The following NSD3 variants were observed in gnomAD, a reference collection of about 807,000 sequenced individuals.
NSD3 encodes the protein histone-lysine N-methyltransferase NSD3.
In NSD3, 24 loss-of-function variants were observed where a neutral mutation model predicts 160.8. That is an observed-to-expected ratio of 0.15 (90% CI 0.11 to 0.21). The LOEUF (loss-of-function observed/expected upper bound fraction) is 0.21. NSD3 is among the 10% of genes least tolerant of loss of function. NSD3 has a pLI of 1.00. For missense variants in NSD3, 1,157 were observed against 1,735.9 expected (o/e 0.67, Z 5.93); for synonymous variants, 520 against 600.0 (o/e 0.87, Z 1.95).
At chr8:38,342,316 A>C (rs765239395) in intron 2 of NSD3, among the ~76,000 whole-genome samples, 1 of 152,226 alleles carries the variant, frequency 6.6e-6, no homozygotes, top group African/African-American at 2.4e-5. Context: ...ATTAAAATTA[A>C]GTAGGGACAG....
chr8:38,280,903 C>T (rs1404170669), intron 20 of NSD3, among the ~76,000 whole-genome samples: 4 of 151,980 alleles, frequency 2.6e-5, no homozygotes, highest in African/African-American at 9.7e-5. Flanking sequence ...CAGAAACGTG[C>T]CACCACACCT....
At chr8:38,381,390 TC>T (rs1454151904) in intron 1 of NSD3, among the ~76,000 whole-genome samples, 4 of 151,828 alleles carry the variant, frequency 2.6e-5, no homozygotes, top group Non-Finnish European at 4.4e-5. Flanking sequence ...CTACACTCCA[TC>T]CCCAAATCTC....
At chr8:38,303,231 A>T (rs997765868) in intron 14 of NSD3, 16 of 984,978 alleles carry the variant, frequency 1.6e-5, no homozygotes, top group Non-Finnish European at 1.9e-5. Flanking sequence ...TAATACAATA[A>T]TTTTTTCTTC....
chr8:38,351,430 C>T (rs1361334888), intron 1 of NSD3, among the ~76,000 whole-genome samples: 8 of 150,872 alleles, frequency 5.3e-5, no homozygotes, highest in Non-Finnish European at 8.9e-5. Flanking sequence ...TTTGGGAGGC[C>T]GAGGTGGGTG....
At chr8:38,314,623 G>T in intron 12 of NSD3, 24 bp downstream of exon 12, 1 of 1,613,784 alleles carries the variant, frequency 6.2e-7, no homozygotes, top group South Asian at 1.1e-5. Flanking sequence ...ATCTTTTCAT[G>T]ACTATCGAAA....
Position 38,275,231 on chromosome 8 carries a change from T to C in NSD3, c.*410A>G, listed in dbSNP as rs1018524299. On this transcript the variant is annotated 3_prime_UTR_variant, in exon 24 of 24. Transcript: ENST00000317025. ...GACTATTGAACTACACTTCTTGAAA[T>C]TCCTAAAAATGAAAATAAATAAAGG... is the stretch of plus-strand genomic sequence containing the variant. 3.9e-6 allele frequency: 1 copy of C among 259,640 alleles called. No individual in the cohort carries two copies. The highest frequency in any genetic ancestry group is 2.2e-5 in the African/African-American group (1 of 45,614). The allele number at this position is 259,640 out of a possible 1,614,324, so 16.1% of individuals were successfully genotyped here.
At chr8:38,362,891 T>C (rs1020340285) in intron 1 of NSD3, among the ~76,000 whole-genome samples, 3 of 152,224 alleles carry the variant, frequency 2.0e-5, no homozygotes, top group Non-Finnish European at 2.9e-5. Flanking sequence ...AAAGACTTCC[T>C]TTTTTGTATC....
intron 1 of NSD3, among the ~76,000 whole-genome samples, chr8:38,352,268 T>C (rs1011702205): frequency 8.6e-5 from 13 of 152,020 alleles, no homozygotes; most frequent in Non-Finnish European, 1.6e-4. Flanking sequence ...CTTCTGCTGT[T>C]AGCAAATGGA....
chr8:38,315,228 T>G (rs1185171129), intron 11 of NSD3, among the ~76,000 whole-genome samples, 188 bp downstream of exon 11: 3 of 152,216 alleles, frequency 2.0e-5, no homozygotes, highest in African/African-American at 7.2e-5. Flanking sequence ...CACTAAAGAT[T>G]GGCATGTGGG....
At position 38,270,797 on chromosome 8, in the gene NSD3, T is replaced by TTTTACAGCC. The variant is rs1474728119; in HGVS notation, c.*4843_*4844insGGCTGTAAA. The TTTTACAGCC allele has an allele frequency of 6.6e-6, 1 of 152,242 alleles. No homozygotes were observed. Among genetic ancestry groups the TTTTACAGCC allele is most frequent in the Non-Finnish European group, 1.5e-5 (1 of 68,050 alleles). The allele number at this position is 152,242 out of a possible 1,614,324, so 9.4% of individuals were successfully genotyped here. A position where few individuals can be genotyped will look rare whatever the true frequency, so the allele number is the denominator to read the frequency against. On this transcript the variant is annotated 3_prime_UTR_variant, in exon 24 of 24. Transcript: ENST00000317025. ...CATCTATTCTATTTTCCCTTTTTAC[T>TTTTACAGCC]TACATGTAAATTACTTTTACAGCCT... is the stretch of plus-strand genomic sequence containing the variant.
At chr8:38,282,346 C>G (rs1303686583) in intron 19 of NSD3, among the ~76,000 whole-genome samples, 2 of 152,196 alleles carry the variant, frequency 1.3e-5, no homozygotes, top group Admixed American at 6.5e-5. Flanking sequence ...CAGTCACTCA[C>G]CTGCTCTCCA....
chr8:38,378,825 CAAA>C (rs201408423), intron 1 of NSD3, among the ~76,000 whole-genome samples: 170 of 87,340 alleles, frequency 1.9e-3, no homozygotes, highest in African/African-American at 2.6e-3. Context: ...CTCCATCTCT[CAAA>C]AAAAAAAAAA....
intron 2 of NSD3, among the ~76,000 whole-genome samples, chr8:38,339,410 C>T (rs560594450): frequency 6.6e-6 from 1 of 152,196 alleles, no homozygotes; most frequent in Admixed American, 6.5e-5. Flanking sequence ...ACCATTGCTA[C>T]TTACAAGAGC....
At chr8:38,324,885 A>G (rs1809870301) in intron 7 of NSD3, among the ~76,000 whole-genome samples, 1 of 152,214 alleles carries the variant, frequency 6.6e-6, no homozygotes, top group Non-Finnish European at 1.5e-5. Context: ...CAGGTTGCTG[A>G]ACACACGAAG....
chr8:38,350,898 C>T (rs1419592191), intron 1 of NSD3, among the ~76,000 whole-genome samples: 1 of 151,842 alleles, frequency 6.6e-6, no homozygotes, highest in Non-Finnish European at 1.5e-5. Flanking sequence ...GACACGTGCA[C>T]ATCACAGAAT....
intron 20 of NSD3, chr8:38,279,951 G>C: frequency 3.0e-6 from 1 of 331,666 alleles, no homozygotes; most frequent in South Asian, 6.3e-5. Flanking sequence ...ATGCTATTTA[G>C]AAGATTAGTG....
chr8:38,286,304 A>C (rs541512002), intron 19 of NSD3, among the ~76,000 whole-genome samples: 25 of 151,318 alleles, frequency 1.7e-4, no homozygotes, highest in Admixed American at 3.9e-4. Flanking sequence ...ATAACAAACA[A>C]ACACACACAC....
chr8:38,292,151 G>A (rs1046516516), intron 16 of NSD3, among the ~76,000 whole-genome samples: 2 of 152,202 alleles, frequency 1.3e-5, no homozygotes, highest in African/African-American at 2.4e-5. Context: ...ATCTAGAAAT[G>A]TCTTAAATGT....
intron 19 of NSD3, among the ~76,000 whole-genome samples, chr8:38,286,054 T>G (rs10101145): frequency 0.22 from 33,874 of 152,162 alleles, 4,007 homozygotes; most frequent in East Asian, 0.31. Flanking sequence ...TCATGCCATT[T>G]TGTCGCCTCC....
Sources: gnomAD v4.1 joint callset for allele counts (sites outside exome capture counted in the v4.1 genomes callset) on GRCh38, gnomAD v4.1.1 for gene constraint, MANE v1.5 for transcripts, NCBI Gene and HGNC (gene_info 2026-07-23, HGNC 2026-07-21) for gene names.